Variants in SRRM3 observed in about 807,000 individuals in gnomAD.
SRRM3 encodes serine/arginine repetitive matrix 3, also known as serine/arginine repetitive matrix protein 3.
In SRRM3, 27 loss-of-function variants were observed where a neutral mutation model predicts 66.2. The ratio of observed to expected loss-of-function variants is 0.41; its 90% confidence interval spans 0.30 to 0.56. The LOEUF is 0.56. Among genes scored for constraint, SRRM3 ranks in the 20% least tolerant of loss-of-function variants. The pLI, the probability that SRRM3 is intolerant of heterozygous loss-of-function variation, is 0.32. For missense variants in SRRM3, 918 were observed against 991.9 expected, an observed-to-expected ratio of 0.93 and a Z score of 1.00; for synonymous variants, 391 against 414.9, an observed-to-expected ratio of 0.94 and a Z score of 0.70.
intron 14 of SRRM3, 97 bp downstream of exon 14, chr7:76,283,198 C>A: frequency 7.8e-7 from 1 of 1,287,906 alleles, no homozygotes; most frequent in Non-Finnish European, 9.9e-7. Context: ...TCTGAGGATC[C>A]ACTGAACCTG....
intron 12 of SRRM3, 71 bp downstream of exon 12, chr7:76,281,873 C>T: frequency 8.1e-6 from 9 of 1,106,280 alleles, no homozygotes; most frequent in Non-Finnish European, 8.9e-6. Flanking sequence ...CTAGCGGATC[C>T]CTGCCCACGG....
At chr7:76,255,401 C>T (rs1192787315) in intron 3 of SRRM3, among the ~76,000 whole-genome samples, 2 of 151,774 alleles carry the variant, frequency 1.3e-5, no homozygotes, top group African/African-American at 2.4e-5. Context: ...CGCCCGCCTT[C>T]GCCTCCCAAA....
At chr7:76,220,235 C>G (rs992328749) in intron 1 of SRRM3, among the ~76,000 whole-genome samples, 8 of 152,182 alleles carry the variant, frequency 5.3e-5, no homozygotes, top group Admixed American at 3.3e-4. Context: ...CAAGGAGCAA[C>G]AGTCATGCTA....
intron 2 of SRRM3, among the ~76,000 whole-genome samples, chr7:76,241,097 A>T (rs1454124448): frequency 2.0e-5 from 3 of 152,126 alleles, no homozygotes; most frequent in African/African-American, 7.2e-5. Flanking sequence ...GGGTTTCACC[A>T]TGTTGGCCAG....
At position 76,267,400 on chromosome 7, in the gene SRRM3, G is replaced by A; in HGVS notation, c.973G>A (p.Gly325Arg). ...GGSGQRSGAH[G>R]GRPGSAHSPP... ...CAGCGGGCAGCGGAGCGGAGCGCAC[G>A]GGGGCCGCCCCGGCTCGGCGCACAG... Residue 325 changes from glycine (G) to arginine (R), a missense_variant, in exon 11 of 15, where the codon GGG (glycine) becomes AGG (arginine). Gly to Arg is a moderately radical substitution (Grantham distance 125). Coordinates refer to ENST00000611745, the MANE Select transcript of SRRM3 (RefSeq NM_001110199.3). 2 of 1,396,858 alleles carry A rather than the reference G, an allele frequency of 1.4e-6. No homozygotes were observed. The highest frequency in any genetic ancestry group is 1.8e-6 in the Non-Finnish European group (2 of 1,081,428). The allele number at this position is 1,396,858 out of a possible 1,614,324, so 86.5% of individuals were successfully genotyped here.
intron 1 of SRRM3, among the ~76,000 whole-genome samples, chr7:76,233,205 G>A (rs1468908792): frequency 1.3e-5 from 2 of 152,138 alleles, no homozygotes; most frequent in Non-Finnish European, 2.9e-5. Context: ...CAGCTACTGG[G>A]GAGACTGAGG....
intron 11 of SRRM3, among the ~76,000 whole-genome samples, chr7:76,276,774 T>C (rs1199991420): frequency 6.6e-6 from 1 of 152,094 alleles, no homozygotes; most frequent in African/African-American, 2.4e-5. Flanking sequence ...TCCAGAGGGA[T>C]GGGTGGAGAA....
rs1563636051 is a variant in SRRM3 at position 76,267,433 on chromosome 7, G to T, written c.1006G>T (p.Asp336Tyr). 1.5e-6 allele frequency: 2 copies of T among 1,358,662 alleles called. No homozygotes were observed. 84.2% of individuals were successfully genotyped at this position (1,358,662 alleles called of 1,614,324 possible). A position where few individuals can be genotyped will look rare whatever the true frequency, so the allele number is the denominator to read the frequency against. The part of the protein sequence containing the change: ...GRPGSAHSPP[D>Y]KPSSPSPRVR... The stretch of plus-strand genomic sequence containing the variant: ...CCCCGGCTCGGCGCACAGCCCGCCC[G>T]ATGTACGTACGCTTCGCTTTGCGGA... The change falls in exon 11 of 15, where the codon GAT (aspartate) becomes TAT (tyrosine). Residue 336 changes from aspartate to tyrosine, a missense_variant and splice_region_variant. Transcript: ENST00000611745.
intron 1 of SRRM3, among the ~76,000 whole-genome samples, chr7:76,229,059 C>T (rs1307727960): frequency 6.6e-6 from 1 of 152,034 alleles, no homozygotes; most frequent in Non-Finnish European, 1.5e-5. Flanking sequence ...CCACTACACC[C>T]GGCTAATTTT....
chr7:76,223,116 A>T (rs191386886), intron 1 of SRRM3, among the ~76,000 whole-genome samples: 1 of 152,248 alleles, frequency 6.6e-6, no homozygotes, highest in Admixed American at 6.5e-5. Context: ...TGCATCCATC[A>T]TCCCCAGCAT....
chr7:76,282,785 G>A lies in SRRM3; in HGVS notation c.1508G>A (p.Arg503His). ...GPHPRSWSSS[R>H]SPSKSRSRSA... is the part of the protein sequence containing the mutation. ...CACCCCCGCTCCTGGAGCTCCAGCC[G>A]CTCGCCCTCCAAATCTCGCTCGCGC... The change falls in exon 13 of 15, where the codon CGC (arginine) becomes CAC (histidine). Residue 503 changes from arginine (R) to histidine (H), a missense_variant. Coordinates refer to ENST00000611745, the MANE Select transcript of SRRM3 (RefSeq NM_001110199.3). The A allele has an allele frequency of 6.8e-7, 1 of 1,465,774 alleles. No homozygotes were observed. Among genetic ancestry groups the A allele is most frequent in the Admixed American group, 2.4e-5 (1 of 41,370 alleles). The allele number at this position is 1,465,774 out of a possible 1,614,324, so 90.8% of individuals were successfully genotyped here. A position where few individuals can be genotyped will look rare whatever the true frequency, so the allele number is the denominator to read the frequency against.
At chr7:76,221,439 TG>T (rs1800718669) in intron 1 of SRRM3, among the ~76,000 whole-genome samples, 1 of 144,358 alleles carries the variant, frequency 6.9e-6, no homozygotes, top group South Asian at 2.2e-4. Flanking sequence ...CTCAGCTCAC[TG>T]CAAGCTCTGC....
At chr7:76,238,651 C>A (rs1263598538) in intron 2 of SRRM3, among the ~76,000 whole-genome samples, 4 of 152,058 alleles carry the variant, frequency 2.6e-5, no homozygotes, top group African/African-American at 9.7e-5. Context: ...TCTTGCCATG[C>A]CTCTTTTTTA....
At chr7:76,238,428 ACT>A (rs1461442860) in intron 2 of SRRM3, among the ~76,000 whole-genome samples, 1 of 151,940 alleles carries the variant, frequency 6.6e-6, no homozygotes, top group Non-Finnish European at 1.5e-5. Context: ...AGGAACACAC[ACT>A]CTTTGGCCTC....
chr7:76,248,322 G>C (rs781931427), intron 3 of SRRM3, 33 bp downstream of exon 3: 6 of 1,554,220 alleles, frequency 3.9e-6, no homozygotes, highest in Non-Finnish European at 5.3e-6. Context: ...ATGAGGGAGA[G>C]GGGGTGCAGG....
chr7:76,255,148 CTT>C (rs57880700), intron 3 of SRRM3, among the ~76,000 whole-genome samples: 89 of 83,162 alleles, frequency 1.1e-3, no homozygotes, highest in African/African-American at 4.8e-3. Flanking sequence ...TTCTTTCTTT[CTT>C]TTTTTTTTTT....
At chr7:76,249,877 T>G (rs1554606689) in intron 3 of SRRM3, among the ~76,000 whole-genome samples, 1 of 151,884 alleles carries the variant, frequency 6.6e-6, no homozygotes, top group Admixed American at 6.6e-5. Flanking sequence ...AAAATAATAA[T>G]AAAATAATAA....
At chr7:76,203,187 C>T (rs1317389092) in intron 1 of SRRM3, among the ~76,000 whole-genome samples, 7 of 152,206 alleles carry the variant, frequency 4.6e-5, no homozygotes, top group Non-Finnish European at 8.8e-5. Context: ...ACAGCAGTAG[C>T]TTTCTGGTTC....
At chr7:76,260,327 C>T in intron 5 of SRRM3, 130 bp downstream of exon 5, 1 of 670,170 alleles carries the variant, frequency 1.5e-6, no homozygotes, top group Non-Finnish European at 2.3e-6. Flanking sequence ...CCTCGCCCTC[C>T]CCGTGCCGTC....
Sources: gnomAD v4.1 joint callset for allele counts (sites outside exome capture counted in the v4.1 genomes callset) on GRCh38, gnomAD v4.1.1 for gene constraint, MANE v1.5 for transcripts, NCBI Gene and HGNC (gene_info 2026-07-23, HGNC 2026-07-21) for gene names.